The following FIGN variants were observed in gnomAD, a reference collection of about 807,000 sequenced individuals.
The protein encoded by FIGN is fidgetin, microtubule severing factor.
Under a neutral mutation model 51.3 loss-of-function variants are expected in FIGN, and 11 were observed. That is an observed-to-expected ratio of 0.21 (90% CI 0.13 to 0.35). FIGN has a LOEUF of 0.35. FIGN is among the 10% of genes least tolerant of loss of function. FIGN has a pLI of 1.00. For missense variants in FIGN, 857 were observed against 943.6 expected (o/e 0.91, Z 1.20); for synonymous variants, 407 against 363.2 (o/e 1.12, Z -1.37).
chr2:163,683,598 A>G (rs1286951718), intron 2 of FIGN, among the ~76,000 whole-genome samples: 2 of 152,178 alleles, frequency 1.3e-5, no homozygotes, highest in Non-Finnish European at 2.9e-5. Flanking sequence ...ATATGGTACT[A>G]CAGATAGATA....
At chr2:163,675,706 C>CTTT (rs900840520) in intron 2 of FIGN, among the ~76,000 whole-genome samples, 746 of 100,528 alleles carry the variant, frequency 7.4e-3, no homozygotes, top group African/African-American at 8.4e-3. Context: ...TTCTTTCTTT[C>CTTT]TTTTTTTTTT....
At position 163,733,961 on chromosome 2, in the gene FIGN, AAC is replaced by A. The variant is rs1378245372; in HGVS notation, c.25+940_25+941del. Among the ~76,000 whole-genome samples, 273 of 150,886 alleles carry A rather than the reference AAC, an allele frequency of 1.8e-3. 1 individual carries two copies. The highest frequency in any genetic ancestry group is 6.1e-3 in the African/African-American group (251 of 40,976). On this transcript the variant is annotated intron_variant, in intron 2 of 2. Coordinates refer to ENST00000333129, the MANE Select transcript of FIGN (RefSeq NM_018086.4). The stretch of plus-strand genomic sequence containing the variant: ...AACAACCAAAAAAAAAAAAAAAAAA[AAC>A]AGTCTAAAGTGGACATATCCTTTGG...
chr2:163,624,730 C>T (rs1314249090), intron 2 of FIGN, among the ~76,000 whole-genome samples: 1 of 147,436 alleles, frequency 6.8e-6, no homozygotes, highest in Non-Finnish European at 1.5e-5. Context: ...CCTAGACAAG[C>T]TGTCGTAATT....
intron 2 of FIGN, among the ~76,000 whole-genome samples, chr2:163,661,111 C>T (rs1168279554): frequency 2.7e-5 from 4 of 149,300 alleles, no homozygotes; most frequent in African/African-American, 7.4e-5. Context: ...CTTGAACTCT[C>T]GACCTCAGGT....
intron 2 of FIGN, among the ~76,000 whole-genome samples, chr2:163,637,584 G>A (rs1459326762): frequency 4.6e-5 from 7 of 151,862 alleles, no homozygotes; most frequent in Non-Finnish European, 8.8e-5. Flanking sequence ...TGCCAAAATA[G>A]ATCTGGGAAT....
intron 2 of FIGN, among the ~76,000 whole-genome samples, chr2:163,698,223 C>T (rs943167464): frequency 1.3e-5 from 2 of 152,150 alleles, no homozygotes; most frequent in African/African-American, 2.4e-5. Flanking sequence ...TATTCTCTGC[C>T]TCTCCTCATC....
At chr2:163,639,417 A>G (rs1683274280) in intron 2 of FIGN, among the ~76,000 whole-genome samples, 1 of 152,162 alleles carries the variant, frequency 6.6e-6, no homozygotes, top group South Asian at 2.1e-4. Context: ...ATTAAAGGCA[A>G]TCCATCTTCT....
chr2:163,645,556 A>C (rs1034118574), intron 2 of FIGN, among the ~76,000 whole-genome samples: 5 of 152,186 alleles, frequency 3.3e-5, no homozygotes, highest in Admixed American at 2.6e-4. Flanking sequence ...TCTCACGCCC[A>C]GGCCACAGTG....
intron 2 of FIGN, among the ~76,000 whole-genome samples, chr2:163,633,498 G>C (rs565621070): frequency 3.3e-5 from 5 of 152,260 alleles, no homozygotes; most frequent in Admixed American, 2.0e-4. Flanking sequence ...TGCTCTTCCA[G>C]CTCAAGCACT....
intron 2 of FIGN, among the ~76,000 whole-genome samples, chr2:163,662,438 A>G (rs976215812): frequency 1.3e-5 from 2 of 152,252 alleles, no homozygotes; most frequent in Non-Finnish European, 2.9e-5. Context: ...CAGCAAAGAA[A>G]AACTCATCTT....
At chr2:163,729,109 TA>T (rs1684887252) in intron 2 of FIGN, among the ~76,000 whole-genome samples, 1 of 152,192 alleles carries the variant, frequency 6.6e-6, no homozygotes, top group South Asian at 2.1e-4. Flanking sequence ...TTTACTCTCA[TA>T]AATAGTTGAC....
chr2:163,668,471 G>A (rs867625242), intron 2 of FIGN, among the ~76,000 whole-genome samples: 8 of 152,314 alleles, frequency 5.3e-5, no homozygotes, highest in Middle Eastern at 3.4e-3. Flanking sequence ...CCACATGCAG[G>A]ACAGTGAGTG....
intron 2 of FIGN, among the ~76,000 whole-genome samples, chr2:163,615,669 A>T (rs1473893504): frequency 6.6e-6 from 1 of 152,138 alleles, no homozygotes; most frequent in East Asian, 1.9e-4. Context: ...AACAGCTTTT[A>T]TATGGTTTCT....
At chr2:163,636,088 A>G (rs572630387) in intron 2 of FIGN, among the ~76,000 whole-genome samples, 75 of 152,292 alleles carry the variant, frequency 4.9e-4, no homozygotes, top group African/African-American at 1.8e-3. Flanking sequence ...TGTTACAATG[A>G]TGACATAGAT....
At position 163,602,711 on chromosome 2, in the gene FIGN, A is replaced by G. The variant is rs2105293161; in HGVS notation, c.*6841T>C. The stretch of plus-strand genomic sequence containing the variant: ...ATACAACAAATTTTACAATAGAGAA[A>G]ACTTTTCATAAAAATATCTGCCTTG... On this transcript the variant is annotated 3_prime_UTR_variant, in exon 3 of 3. Transcript: ENST00000333129. 1 of 152,154 alleles carries G rather than the reference A, an allele frequency of 6.6e-6. No individual in the cohort carries two copies. Among genetic ancestry groups the G allele is most frequent in the South Asian group, 2.1e-4 (1 of 4,816 alleles). 9.4% of individuals were successfully genotyped at this position (152,154 alleles called of 1,614,324 possible).
At chr2:163,676,658 T>G (rs1683975293) in intron 2 of FIGN, among the ~76,000 whole-genome samples, 1 of 151,826 alleles carries the variant, frequency 6.6e-6, no homozygotes, top group African/African-American at 2.4e-5. Flanking sequence ...TCAGTTCATA[T>G]TTTGAAGCTG....
At chr2:163,663,412 G>A (rs566346614) in intron 2 of FIGN, among the ~76,000 whole-genome samples, 3 of 151,620 alleles carry the variant, frequency 2.0e-5, no homozygotes, top group East Asian at 2.0e-4. Context: ...TCAGCTCACC[G>A]CAACCTCTGC....
intron 2 of FIGN, among the ~76,000 whole-genome samples, chr2:163,714,250 C>T (rs1387026607): frequency 6.6e-6 from 1 of 152,198 alleles, no homozygotes; most frequent in Non-Finnish European, 1.5e-5. Flanking sequence ...AGCATTCCCT[C>T]ACCACATAAC....
rs529331119 is a variant in FIGN at position 163,676,332 on chromosome 2, G to A, written c.25+58571C>T. 1.9e-3 allele frequency among the ~76,000 whole-genome samples: 277 copies of A among 149,710 alleles called. 1 individual carries two copies. The highest frequency in any genetic ancestry group is 6.2e-3 in the African/African-American group (254 of 41,026). ...CTTCTATAAAAAGTGTTTTTAATTGGAAATTTCTCTATCAAAGAAAACTTT... is the reference window on the plus strand; with the variant it reads ...CTTCTATAAAAAGTGTTTTTAATTGAAAATTTCTCTATCAAAGAAAACTTT... On this transcript the variant is annotated intron_variant, in intron 2 of 2. Coordinates refer to ENST00000333129, the MANE Select transcript of FIGN (RefSeq NM_018086.4).
Sources: allele counts gnomAD v4.1 joint callset (sites outside exome capture counted in the v4.1 genomes callset), GRCh38; gene constraint gnomAD v4.1.1; transcripts MANE v1.5; gene names NCBI Gene and HGNC (gene_info 2026-07-23, HGNC 2026-07-21).